The following UBE2Z variants were observed in gnomAD, a reference collection of about 807,000 sequenced individuals.
The protein encoded by UBE2Z is ubiquitin conjugating enzyme E2 Z.
UBE2Z carries 10 observed loss-of-function variants against 32.6 expected under a neutral mutation model. The ratio of observed to expected loss-of-function variants is 0.31; its 90% CI spans 0.19 to 0.52. The LOEUF is 0.52. UBE2Z is among the 20% of genes least tolerant of loss of function. The pLI is 0.97. For missense variants in UBE2Z, 343 were observed against 480.9 expected (o/e 0.71, Z 2.68); for synonymous variants, 183 against 190.8 (o/e 0.96, Z 0.34).
At chr17:48,926,478 T>C (rs1222933972) in intron 6 of UBE2Z, among the ~76,000 whole-genome samples, 2 of 56,202 alleles carry the variant, frequency 3.6e-5, no homozygotes, top group Non-Finnish European at 1.3e-4. Flanking sequence ...GAGTGTCTTT[T>C]TTTTTTTTTT....
At chr17:48,922,423 G>A (rs1302379877) in intron 5 of UBE2Z, among the ~76,000 whole-genome samples, 3 of 152,072 alleles carry the variant, frequency 2.0e-5, no homozygotes, top group Non-Finnish European at 2.9e-5. Flanking sequence ...AAAGATCTTT[G>A]TAGAAAACAG....
At position 48,908,448 on chromosome 17, in the gene UBE2Z, A is replaced by T; in HGVS notation, c.-56A>T. 1 of 1,210,286 alleles carries T rather than the reference A, an allele frequency of 8.3e-7. No individual in the cohort carries two copies. Among genetic ancestry groups the T allele is most frequent in the Non-Finnish European group, 1.0e-6 (1 of 970,652 alleles). The allele number at this position is 1,210,286 out of a possible 1,614,324, so 75.0% of individuals were successfully genotyped here. A position where few individuals can be genotyped will look rare whatever the true frequency, so the allele number is the denominator to read the frequency against. On this transcript the variant is annotated 5_prime_UTR_variant, in exon 1 of 7. Transcript: ENST00000360943. ...CGGTGGTGCGGGAGCGGGCGGGAGC[A>T]GCGGCCGCTCTGGTCGGCGGACGTG... is the stretch of plus-strand genomic sequence containing the variant.
chr17:48,910,950 G>A, intron 2 of UBE2Z, 70 bp downstream of exon 2: 1 of 1,247,050 alleles, frequency 8.0e-7, no homozygotes, highest in Non-Finnish European at 1.2e-6. Flanking sequence ...AAGCCTAAAA[G>A]AGATTATTCA....
chr17:48,910,348 A>G (rs1212321667), intron 1 of UBE2Z: 2 of 161,350 alleles, frequency 1.2e-5, no homozygotes, highest in Admixed American at 5.9e-5. Context: ...TCCCCTTACC[A>G]ATAAAGGTCC....
intron 6 of UBE2Z, among the ~76,000 whole-genome samples, chr17:48,923,564 C>G (rs151291553): frequency 6.7e-6 from 1 of 150,184 alleles, no homozygotes; most frequent in Admixed American, 6.7e-5. Context: ...CCTGGGAGGC[C>G]GAGGTTGCAG....
intron 3 of UBE2Z, among the ~76,000 whole-genome samples, chr17:48,913,245 A>G (rs562973950): frequency 4.6e-4 from 70 of 152,274 alleles, no homozygotes; most frequent in African/African-American, 1.7e-3. Context: ...TTCTCTTAAG[A>G]GTGTGGCCCT....
intron 6 of UBE2Z, among the ~76,000 whole-genome samples, chr17:48,923,733 CTT>C (rs542975589): frequency 6.7e-4 from 94 of 139,940 alleles, no homozygotes; most frequent in Non-Finnish European, 7.2e-4. Flanking sequence ...TCAGTAGCCT[CTT>C]TTTTTTTTTT....
intron 3 of UBE2Z, among the ~76,000 whole-genome samples, chr17:48,913,711 A>ACCACT (rs1201692448): frequency 1.5e-4 from 23 of 152,132 alleles, no homozygotes; most frequent in Non-Finnish European, 3.4e-4. Flanking sequence ...CAGTTTCAGA[A>ACCACT]CCACTCTCTT....
chr17:48,920,288 C>T (rs999133788), intron 4 of UBE2Z, among the ~76,000 whole-genome samples: 7 of 151,566 alleles, frequency 4.6e-5, no homozygotes, highest in Non-Finnish European at 7.4e-5. Context: ...TGAGGTCAGG[C>T]GTTCAGGACC....
Position 48,927,232 on chromosome 17 carries a change from C to G in UBE2Z, c.*98C>G. 2 of 1,297,534 alleles carry G rather than the reference C, an allele frequency of 1.5e-6. No individual in the cohort carries two copies. The highest frequency in any genetic ancestry group is 1.1e-6 in the Non-Finnish European group (1 of 940,102). 80.4% of individuals were successfully genotyped at this position (1,297,534 alleles called of 1,614,324 possible). ...GAGGCACTGTGTATCTCCCTCCAGA[C>G]TCGAAGTCATCCTGCAAGATGGCAA... On this transcript the variant is annotated 3_prime_UTR_variant, in exon 7 of 7. Transcript: ENST00000360943.
Position 48,910,842 on chromosome 17 carries a change from G to A in UBE2Z, c.352G>A (p.Gly118Arg). Residue 118 changes from glycine (G) to arginine (R), a missense_variant, in exon 2 of 7, where the codon GGA becomes AGA. Gly to Arg is a moderately radical substitution (Grantham distance 125, BLOSUM62 -2). This residue lies in a region of UBE2Z where 182 missense variants were observed against 312.4 expected (regional missense o/e 0.58). Coordinates refer to ENST00000360943, the MANE Select transcript of UBE2Z (RefSeq NM_023079.5). ...GTCCATTTATAAGGAGCCTCCTCCA[G>A]GAATGTTCGTTGTACCTGATACTGT... is the stretch of plus-strand genomic sequence containing the variant. Reference protein sequence around the residue: ...IMSIYKEPPPGMFVVPDTVDM... With the variant: ...IMSIYKEPPPRMFVVPDTVDM... The A allele has an allele frequency of 6.2e-7, 1 of 1,613,654 alleles. No homozygotes were observed. Among genetic ancestry groups the A allele is most frequent in the Non-Finnish European group, 8.5e-7 (1 of 1,179,720 alleles).
intron 6 of UBE2Z, chr17:48,923,154 T>A (rs2040774069): frequency 2.7e-6 from 1 of 363,908 alleles, no homozygotes; most frequent in Non-Finnish European, 5.2e-6. Context: ...ACCCCGTCTC[T>A]ACTAAAAATA....
intron 1 of UBE2Z, among the ~76,000 whole-genome samples, chr17:48,909,279 G>C (rs1181367310): frequency 2.0e-5 from 3 of 149,272 alleles, no homozygotes; most frequent in Admixed American, 6.7e-5. Context: ...TAACACAGAC[G>C]AACTCAGCTT....
At position 48,909,255 on chromosome 17, in the gene UBE2Z, T is replaced by A. The variant is rs989322110; in HGVS notation, c.317+435T>A. Among the ~76,000 whole-genome samples the A allele has an allele frequency of 4.7e-5, 7 of 150,124 alleles. 1 individual carries two copies. Among genetic ancestry groups the A allele is most frequent in the Non-Finnish European group, 8.9e-5 (6 of 67,656 alleles). On this transcript the variant is annotated intron_variant, in intron 1 of 6. Coordinates refer to ENST00000360943, the MANE Select transcript of UBE2Z (RefSeq NM_023079.5). ...CCCATCGGTCCCCTCTCTTCTCCTC[T>A]GGAGCCCCGTTCCTAACACAGACGA...
At chr17:48,921,391 C>A in intron 5 of UBE2Z, 119 bp downstream of exon 5, 1 of 773,266 alleles carries the variant, frequency 1.3e-6, no homozygotes, top group Non-Finnish European at 2.1e-6. Context: ...AGATGTGGTT[C>A]CTGCTTTTAA....
At chr17:48,909,450 C>T (rs1407111843) in intron 1 of UBE2Z, among the ~76,000 whole-genome samples, 1 of 152,036 alleles carries the variant, frequency 6.6e-6, no homozygotes, top group Non-Finnish European at 1.5e-5. Context: ...TCTTACGCCT[C>T]TTCCAGAAAC....
chr17:48,925,135 T>C lies in UBE2Z; in HGVS notation c.895-1829T>C, dbSNP rs1024811796. On this transcript the variant is annotated intron_variant, in intron 6 of 6. Coordinates refer to ENST00000360943, the MANE Select transcript of UBE2Z (RefSeq NM_023079.5). ...CTGCCTCTACTAAAAATACAAAAAT[T>C]AGCCAGATGTAGTGGTGCGTGCCTG... is the stretch of plus-strand genomic sequence containing the variant. Among the ~76,000 whole-genome samples, 5 of 151,718 alleles carry C rather than the reference T, an allele frequency of 3.3e-5. No individual in the cohort carries two copies. In the East Asian group the frequency reaches 5.8e-4, roughly 18 times the overall value.
intron 1 of UBE2Z, among the ~76,000 whole-genome samples, chr17:48,909,754 C>T (rs1454560033): frequency 1.3e-5 from 2 of 152,054 alleles, no homozygotes; most frequent in East Asian, 3.8e-4. Flanking sequence ...GCTATTAATC[C>T]TGAAACCTGT....
rs775992931 is a variant in UBE2Z, at chr17:48,926,968, C to G, written c.899C>G (p.Pro300Arg). The change falls in exon 7 of 7, where the codon CCT (proline) becomes CGT (arginine). Residue 300 changes from proline to arginine, a missense_variant. Pro to Arg is a moderately radical substitution (Grantham distance 103). Around this residue, in one of 4 missense-constraint regions of UBE2Z, gnomAD observed 182 missense variants for 312.4 expected, o/e 0.58. Coordinates refer to ENST00000360943, the MANE Select transcript of UBE2Z (RefSeq NM_023079.5). The part of the protein sequence containing the change: ...LHLQGQTMQD[P>R]FGEKRGHFDY... ...CCTTGTCTCCTTTCCCCACAGGACCCTTTTGGAGAGAAGCGGGGCCACTTT... is the reference window on the plus strand; with the variant it reads ...CCTTGTCTCCTTTCCCCACAGGACCGTTTTGGAGAGAAGCGGGGCCACTTT... The G allele has an allele frequency of 6.2e-7, 1 of 1,612,678 alleles. No individual in the cohort carries two copies. The highest frequency in any genetic ancestry group is 1.7e-5 in the Admixed American group (1 of 59,916).
Sources: gnomAD v4.1 joint callset for allele counts (sites outside exome capture counted in the v4.1 genomes callset) on GRCh38, gnomAD v4.1.1 for gene constraint, gnomAD v4.1.1 regional missense constraint, MANE v1.5 for transcripts, NCBI Gene and HGNC (gene_info 2026-07-23, HGNC 2026-07-21) for gene names.